KCNK2: variants seen among roughly 807,000 people sequenced by gnomAD.
The protein encoded by KCNK2 is potassium two pore domain channel subfamily K member 2, also known as potassium channel subfamily K member 2.
In KCNK2, 21 loss-of-function variants were observed where a neutral mutation model predicts 40.5. The observed-to-expected ratio is 0.52, with a 90% CI of 0.37 to 0.75. KCNK2 has a LOEUF of 0.75. Ranked by LOEUF, KCNK2 falls within the 30% of genes least tolerant of loss-of-function variation. KCNK2 has a pLI of 0.00. For synonymous variants in KCNK2, 191 were observed against 202.2 expected (o/e 0.94, Z 0.47); for missense variants, 399 against 531.6 (o/e 0.75, Z 2.45).
chr1:215,187,723 A>G (rs1367132817), intron 5 of KCNK2, among the ~76,000 whole-genome samples: 2 of 151,890 alleles, frequency 1.3e-5, no homozygotes, highest in Non-Finnish European at 2.9e-5. Context: ...CAGCTTGTTT[A>G]GAAGCTGCCC....
intron 1 of KCNK2, among the ~76,000 whole-genome samples, chr1:215,077,282 A>G (rs917613168): frequency 2.6e-5 from 4 of 152,176 alleles, no homozygotes; most frequent in African/African-American, 9.7e-5. Context: ...TCATCGAAGT[A>G]CTGCCTAACT....
At chr1:215,161,396 G>A (rs1571681087) in intron 3 of KCNK2, among the ~76,000 whole-genome samples, 1 of 151,244 alleles carries the variant, frequency 6.6e-6, no homozygotes. Context: ...TTTTTTATGG[G>A]GCTTGCTCTT....
intron 3 of KCNK2, among the ~76,000 whole-genome samples, chr1:215,132,739 C>T (rs1038818493): frequency 2.0e-5 from 3 of 152,070 alleles, no homozygotes; most frequent in Non-Finnish European, 2.9e-5. Flanking sequence ...TTCATGTAGG[C>T]TTATTTATTT....
intron 1 of KCNK2, among the ~76,000 whole-genome samples, chr1:215,036,129 A>G (rs930262437): frequency 7.0e-5 from 8 of 114,908 alleles, no homozygotes; most frequent in African/African-American, 1.8e-4. Context: ...AGATGCTCTC[A>G]TGTGTTTTTT....
At chr1:215,120,084 CCT>C (rs1661115323) in intron 2 of KCNK2, among the ~76,000 whole-genome samples, 1 of 152,144 alleles carries the variant, frequency 6.6e-6, no homozygotes, top group Non-Finnish European at 1.5e-5. Flanking sequence ...CTATCTCAAA[CCT>C]CTGTTTCAAT....
chr1:215,175,731 A>G (rs1663939177), intron 5 of KCNK2, among the ~76,000 whole-genome samples: 1 of 152,046 alleles, frequency 6.6e-6, no homozygotes, highest in South Asian at 2.1e-4. Context: ...GCTCCCACTT[A>G]TAAGTGAGAA....
intron 3 of KCNK2, among the ~76,000 whole-genome samples, chr1:215,163,957 T>G (rs1351185325): frequency 6.6e-6 from 1 of 152,210 alleles, no homozygotes; most frequent in African/African-American, 2.4e-5. Flanking sequence ...GAAGAGTCCC[T>G]CTTTTTCTAT....
chr1:215,035,260 C>T (rs901176531), intron 1 of KCNK2, among the ~76,000 whole-genome samples: 4 of 152,106 alleles, frequency 2.6e-5, no homozygotes, highest in Admixed American at 1.3e-4. Flanking sequence ...CAACCCCTGA[C>T]ATCCTGGTTA....
In KCNK2 at chr1:215,236,045, A is replaced by AATCTATCATCT. The variant is rs1553277251; in HGVS notation, c.*907_*908insATCTATCTATC. ...TACATTTTTAAAGGCAGAAGAAGAAAATCTATCTATCTATCTATCTATCTA... is the reference window on the plus strand; with the variant it reads ...TACATTTTTAAAGGCAGAAGAAGAAAATCTATCATCTATCTATCTATCTATCTATCTATCTA... On this transcript the variant is annotated 3_prime_UTR_variant, in exon 7 of 7. Transcript: ENST00000444842. 2 of 144,302 alleles carry AATCTATCATCT rather than the reference A, an allele frequency of 1.4e-5. No individual in the cohort carries two copies. The highest frequency in any genetic ancestry group is 4.3e-4 in the South Asian group (2 of 4,608). 8.9% of individuals were successfully genotyped at this position (144,302 alleles called of 1,614,324 possible). A position where few individuals can be genotyped will look rare whatever the true frequency, so the allele number is the denominator to read the frequency against.
At chr1:215,120,033 T>C (rs1454128009) in intron 2 of KCNK2, among the ~76,000 whole-genome samples, 1 of 152,168 alleles carries the variant, frequency 6.6e-6, no homozygotes, top group Non-Finnish European at 1.5e-5. Flanking sequence ...AAAGACCTCA[T>C]GGTAGACTCA....
intron 1 of KCNK2, among the ~76,000 whole-genome samples, chr1:215,046,145 A>G (rs1657760013): frequency 6.6e-6 from 1 of 152,142 alleles, no homozygotes; most frequent in East Asian, 1.9e-4. Flanking sequence ...CATTGCCAGG[A>G]AAATAGGCCT....
At chr1:215,093,482 T>C (rs1270378442) in intron 2 of KCNK2, among the ~76,000 whole-genome samples, 1 of 86,544 alleles carries the variant, frequency 1.2e-5, no homozygotes, top group Non-Finnish European at 2.1e-5. Flanking sequence ...ATAATATACA[T>C]ATAATATATG....
intron 3 of KCNK2, among the ~76,000 whole-genome samples, chr1:215,168,718 G>A (rs928288677): frequency 1.3e-5 from 2 of 152,052 alleles, no homozygotes; most frequent in African/African-American, 4.8e-5. Flanking sequence ...GGTGGGAAGG[G>A]GAGGGAGAGC....
At chr1:215,155,293 G>A (rs1662866177) in intron 3 of KCNK2, among the ~76,000 whole-genome samples, 1 of 13,302 alleles carries the variant, frequency 7.5e-5, no homozygotes, top group Admixed American at 1.9e-3. Flanking sequence ...TCATTAATTT[G>A]CTTCATAACT....
Position 215,010,862 on chromosome 1 carries a change from T to TG in KCNK2, c.34+4907_34+4908insG, listed in dbSNP as rs1553254941. On this transcript the variant is annotated intron_variant, in intron 1 of 6. Coordinates refer to the KCNK2 transcript ENST00000391895. ...CTCACAGGACACAGATTTTTTTTTTTTTTTTTTGTGTGTGTGTGTGTGTGT... is the reference window on the plus strand; with the variant it reads ...CTCACAGGACACAGATTTTTTTTTTTGTTTTTTTGTGTGTGTGTGTGTGTGT... 8.8e-3 allele frequency among the ~76,000 whole-genome samples: 1,149 copies of TG among 130,776 alleles called. 9 individuals are homozygous for TG. The highest frequency in any genetic ancestry group is 0.062 in the Middle Eastern group (16 of 256). The allele number at this position is 130,776 out of a possible 152,430, so 85.8% of individuals were successfully genotyped here.
At chr1:215,045,009 A>AAAAAC (rs1462445728) in intron 1 of KCNK2, among the ~76,000 whole-genome samples, 70 of 152,032 alleles carry the variant, frequency 4.6e-4, no homozygotes, top group Middle Eastern at 3.4e-3. Context: ...TCTCTACTAA[A>AAAAAC]AAAAACAAAA....
At chr1:215,207,760 A>G (rs999142046) in intron 6 of KCNK2, among the ~76,000 whole-genome samples, 1 of 152,220 alleles carries the variant, frequency 6.6e-6, no homozygotes, top group African/African-American at 2.4e-5. Flanking sequence ...CAACACAAGC[A>G]TATGGAAAAA....
At chr1:215,124,366 G>T (rs565205086) in intron 2 of KCNK2, among the ~76,000 whole-genome samples, 5 of 152,198 alleles carry the variant, frequency 3.3e-5, no homozygotes, top group Admixed American at 2.6e-4. Flanking sequence ...ATATGTTAAT[G>T]GATGACAATA....
At chr1:215,142,990 G>C (rs1315344866) in intron 3 of KCNK2, among the ~76,000 whole-genome samples, 2 of 152,054 alleles carry the variant, frequency 1.3e-5, no homozygotes, top group Non-Finnish European at 2.9e-5. Context: ...TTTAGAGCAA[G>C]GGTGGGCCTT....
Sources: allele counts gnomAD v4.1 joint callset (sites outside exome capture counted in the v4.1 genomes callset), GRCh38; gene constraint gnomAD v4.1.1; transcripts MANE v1.5; gene names NCBI Gene and HGNC (gene_info 2026-07-23, HGNC 2026-07-21).